CHERP: variants seen among roughly 807,000 people sequenced by gnomAD.
CHERP encodes calcium homeostasis endoplasmic reticulum protein, also known as ERPROT 213-21.
In CHERP, 8 loss-of-function variants were observed where a neutral mutation model predicts 113.8. The ratio of observed to expected loss-of-function variants is 0.07; its 90% CI spans 0.04 to 0.13. The LOEUF (loss-of-function observed/expected upper bound fraction) is 0.13. Among genes scored for constraint, CHERP ranks in the 10% least tolerant of loss-of-function variants. CHERP has a pLI of 1.00. For missense variants in CHERP, 884 were observed against 1,298.2 expected (o/e 0.68, Z 4.90); for synonymous variants, 559 against 524.5 (o/e 1.07, Z -0.90).
In CHERP at chr19:16,519,706, A is replaced by G. The variant is rs749751246; in HGVS notation, c.2472T>C (p.Ala824=). ...GAGGCGCCGAATTAGAACCCAGACCAGCAGAGGAACTAAAATCGAGACAGG... is the reference window on the plus strand; with the variant it reads ...GAGGCGCCGAATTAGAACCCAGACCGGCAGAGGAACTAAAATCGAGACAGG... ...RSRSPTPPSS[A]GLGSNSAPPI... Residue 824 remains alanine (A), a synonymous_variant, in exon 16 of 17, where the codon GCT becomes GCC. Transcript: ENST00000546361. The surrounding 1 kb of genome is among the most constrained non-coding windows in gnomAD (Gnocchi z 6.0). 3.1e-6 allele frequency: 5 copies of G among 1,613,620 alleles called. No homozygotes were observed. In the South Asian group the frequency reaches 4.4e-5, roughly 14 times the overall value.
chr19:16,522,267 C>CA (rs1218097314), intron 11 of CHERP, among the ~76,000 whole-genome samples: 2 of 147,922 alleles, frequency 1.4e-5, no homozygotes, highest in African/African-American at 4.9e-5. Flanking sequence ...CCAACCCCCC[C>CA]TTTTTTTTTT....
rs1342155734 is a variant in CHERP at position 16,530,401 on chromosome 19, A to C, written c.876+184T>G. The stretch of plus-strand genomic sequence containing the variant: ...TGTTCCAGGAAAGTCAGGGAGACAC[A>C]CCTAAGGCCTGGGAAATGTCACCTG... On this transcript the variant is annotated intron_variant, in intron 7 of 16. Transcript: ENST00000546361. This position sits in a 1 kb window ranked among gnomAD's most constrained non-coding sequence, Gnocchi z 4.1. Among the ~76,000 whole-genome samples, 1 of 152,176 alleles carries C rather than the reference A, an allele frequency of 6.6e-6. No homozygotes were observed. Among genetic ancestry groups the C allele is most frequent in the African/African-American group, 2.4e-5 (1 of 41,448 alleles).
intron 8 of CHERP, among the ~76,000 whole-genome samples, 174 bp from the exon 9 acceptor site, chr19:16,528,429 G>A (rs1376219969): frequency 6.6e-6 from 1 of 152,166 alleles, no homozygotes; most frequent in Non-Finnish European, 1.5e-5. Flanking sequence ...CAGGGCGAGG[G>A]GAGGTTTCGA....
intron 5 of CHERP, among the ~76,000 whole-genome samples, chr19:16,531,146 T>G (rs942746365): frequency 6.6e-6 from 1 of 152,112 alleles, no homozygotes. Flanking sequence ...GTCCCCTTGA[T>G]AGGAAATAAC....
intron 8 of CHERP, among the ~76,000 whole-genome samples, chr19:16,528,936 G>C (rs899009439): frequency 2.6e-5 from 4 of 152,296 alleles, no homozygotes; most frequent in Non-Finnish European, 4.4e-5. Context: ...CTGGGCGACA[G>C]AGCAAGACTC....
rs902382883 is a variant in CHERP at position 16,532,521 on chromosome 19, G to A, written c.674+77C>T. The A allele has an allele frequency of 1.3e-5, 19 of 1,459,568 alleles. No homozygotes were observed. The highest frequency in any genetic ancestry group is 1.6e-5 in the Non-Finnish European group (18 of 1,099,976). The allele number at this position is 1,459,568 out of a possible 1,614,324, so 90.4% of individuals were successfully genotyped here. ...GACAGGCCAAGCCAAGCTACCGACC[G>A]GAGCAAGCGGCCACCCAGGAGGGTT... is the stretch of plus-strand genomic sequence containing the variant. On this transcript the variant is annotated intron_variant, in intron 5 of 16. Transcript: ENST00000546361. This position sits in a 1 kb window ranked among gnomAD's most constrained non-coding sequence, Gnocchi z 4.4.
chr19:16,537,564 A>C (rs2085749859), intron 2 of CHERP, among the ~76,000 whole-genome samples: 1 of 151,396 alleles, frequency 6.6e-6, no homozygotes, highest in South Asian at 2.1e-4. Flanking sequence ...TGCTCCCCGC[A>C]CCATGGTTGG....
At chr19:16,533,785 C>A (rs1476915324) in intron 3 of CHERP, among the ~76,000 whole-genome samples, 1 of 150,444 alleles carries the variant, frequency 6.6e-6, no homozygotes, top group African/African-American at 2.5e-5. Flanking sequence ...ACAACAACAA[C>A]AACAACAACA....
chr19:16,527,694 T>G (rs2085665775), intron 9 of CHERP, among the ~76,000 whole-genome samples: 1 of 152,210 alleles, frequency 6.6e-6, no homozygotes, highest in Non-Finnish European at 1.5e-5. Flanking sequence ...ACATTCCCCC[T>G]TTCCTTACAA....
At chr19:16,526,003 CCAGCTCCCTCGCCCCT>C (rs1470688127) in intron 9 of CHERP, among the ~76,000 whole-genome samples, 5 of 152,258 alleles carry the variant, frequency 3.3e-5, no homozygotes, top group African/African-American at 1.2e-4. Flanking sequence ...CAGACAAACG[CCAGCTCCCTCGCCCCT>C]CAGGGGCAGG....
rs751451818 is a variant in CHERP, at chr19:16,520,179, C to T, written c.2432G>A (p.Arg811His). The part of the protein sequence containing the change: ...RSKSYSPGRR[R>H]RSRSRSPTPP... The stretch of plus-strand genomic sequence containing the variant: ...GGTGGGGCTCCTGGACCGTGACCGG[C>T]GTCTTCTTCCTGGGGAGTACGACTT... The change falls in exon 15 of 17, where the codon CGC becomes CAC. Residue 811 changes from arginine to histidine, a missense_variant. Around this residue, in one of 8 missense-constraint regions of CHERP, gnomAD observed 159 missense variants for 185.8 expected, o/e 0.86. Transcript: ENST00000546361. The surrounding 1 kb of genome is among the most constrained non-coding windows in gnomAD (Gnocchi z 4.0). 9.3e-6 allele frequency: 15 copies of T among 1,612,750 alleles called. No homozygotes were observed. The highest frequency in any genetic ancestry group is 4.4e-5 in the South Asian group (4 of 91,064).
At position 16,530,182 on chromosome 19, in the gene CHERP, G is replaced by A. The variant is rs2085690118; in HGVS notation, c.877-282C>T. On this transcript the variant is annotated intron_variant, in intron 7 of 16. Transcript: ENST00000546361. This position sits in a 1 kb window ranked among gnomAD's most constrained non-coding sequence, Gnocchi z 4.1. ...CCTGGCCGCTTCGTGGCTGCTCAGC[G>A]AACACTGCCCACCAACATTCTGGGA... 6.6e-6 allele frequency among the ~76,000 whole-genome samples: 1 copy of A among 152,218 alleles called. No homozygotes were observed. The highest frequency in any genetic ancestry group is 2.4e-5 in the African/African-American group (1 of 41,442).
chr19:16,533,794 C>A (rs961988934), intron 3 of CHERP, among the ~76,000 whole-genome samples: 5 of 149,402 alleles, frequency 3.3e-5, no homozygotes, highest in African/African-American at 1.2e-4. Flanking sequence ...ACAACAACAA[C>A]AAAAAGAAAA....
rs552040882 is a variant in CHERP, at chr19:16,520,604, C to T, written c.2202-97G>A. 109 of 1,405,650 alleles carry T rather than the reference C, an allele frequency of 7.8e-5. No individual in the cohort carries two copies. The African/African-American group carries it at 1.2e-3, about 16-fold the overall frequency. 87.1% of individuals were successfully genotyped at this position (1,405,650 alleles called of 1,614,324 possible). A position where few individuals can be genotyped will look rare whatever the true frequency, so the allele number is the denominator to read the frequency against. On this transcript the variant is annotated intron_variant, in intron 13 of 16. Coordinates refer to ENST00000546361, the MANE Select transcript of CHERP (RefSeq NM_006387.6). This position sits in a 1 kb window ranked among gnomAD's most constrained non-coding sequence, Gnocchi z 4.0. ...TCCTAGACCACCCCAGATGCAGGGG[C>T]TCTGGCTGTGGATGTGGCGCCATAG...
intron 2 of CHERP, among the ~76,000 whole-genome samples, chr19:16,536,688 C>G (rs2085743333): frequency 6.6e-6 from 1 of 152,222 alleles, no homozygotes; most frequent in African/African-American, 2.4e-5. Context: ...ATTTCTCCAA[C>G]TCCTCCCTCT....
chr19:16,533,289 G>T, intron 3 of CHERP, 141 bp from the exon 4 acceptor site: 3 of 760,888 alleles, frequency 3.9e-6, no homozygotes, highest in South Asian at 3.6e-5. Flanking sequence ...CAGCTCCCTT[G>T]CTTGTCCCCA....
chr19:16,520,849 C>G lies in CHERP; in HGVS notation c.2178G>C (p.Arg726Ser). The G allele has an allele frequency of 6.2e-7, 1 of 1,613,944 alleles. No individual in the cohort carries two copies. Among genetic ancestry groups the G allele is most frequent in the Non-Finnish European group, 8.5e-7 (1 of 1,180,046 alleles). The part of the protein sequence containing the change: ...FFRAKMRARR[R>S]KGQEKRNSGP... ...ACCTGTTCCTCTTCTCCTGGCCTTT[C>G]CTCCGCCGGGCCCGCATTTTTGCTC... The change falls in exon 13 of 17, where the codon AGG (arginine) becomes AGC (serine). Residue 726 changes from arginine (R) to serine (S), a missense_variant. Around this residue, in one of 8 missense-constraint regions of CHERP, gnomAD observed 159 missense variants for 185.8 expected, o/e 0.86. Transcript: ENST00000546361. The surrounding 1 kb of genome is among the most constrained non-coding windows in gnomAD (Gnocchi z 4.0).
chr19:16,538,065 A>AC (rs1302336698), intron 2 of CHERP, among the ~76,000 whole-genome samples: 6 of 152,030 alleles, frequency 3.9e-5, no homozygotes, highest in African/African-American at 1.5e-4. Context: ...ACTGTGGCTA[A>AC]CCCAGCTTCA....
chr19:16,525,112 G>T lies in CHERP; in HGVS notation c.1741+130C>A. 1.1e-6 allele frequency: 1 copy of T among 893,980 alleles called. No individual in the cohort carries two copies. Among genetic ancestry groups the T allele is most frequent in the Non-Finnish European group, 1.5e-6 (1 of 662,102 alleles). 55.4% of individuals were successfully genotyped at this position (893,980 alleles called of 1,614,324 possible). ...AGAACCCAGGCCGGGCTCCTCGGAC[G>T]TCCCATGACCCTGTGTCTGTCACTG... On this transcript the variant is annotated intron_variant, in intron 10 of 16. Transcript: ENST00000546361. The surrounding 1 kb of genome is among the most constrained non-coding windows in gnomAD (Gnocchi z 6.5).
Sources: gnomAD v4.1 joint callset for allele counts (sites outside exome capture counted in the v4.1 genomes callset) on GRCh38, gnomAD v4.1.1 for gene constraint, gnomAD v4.1.1 regional missense constraint, Gnocchi (gnomAD v3.1) non-coding constraint, MANE v1.5 for transcripts, NCBI Gene and HGNC (gene_info 2026-07-23, HGNC 2026-07-21) for gene names.